UBAP2L: variants seen among roughly 807,000 people sequenced by gnomAD.
UBAP2L encodes the protein ubiquitin associated protein 2 like.
UBAP2L carries 12 observed loss-of-function variants against 130.6 expected under a neutral mutation model. The observed-to-expected ratio is 0.09, with a 90% CI of 0.06 to 0.15. The LOEUF (loss-of-function observed/expected upper bound fraction) is 0.15. UBAP2L is among the 10% of genes least tolerant of loss of function. The pLI is 1.00. For synonymous variants in UBAP2L, 503 were observed against 524.7 expected (o/e 0.96, Z 0.57); for missense variants, 965 against 1,332.5 (o/e 0.72, Z 4.29).
chr1:154,246,745 C>CT (rs1675650421), intron 11 of UBAP2L, among the ~76,000 whole-genome samples: 2 of 152,170 alleles, frequency 1.3e-5, no homozygotes, highest in South Asian at 4.1e-4. Context: ...TTCCCCATTT[C>CT]TTGATGGATC....
intron 10 of UBAP2L, among the ~76,000 whole-genome samples, chr1:154,245,638 C>T (rs12739218): frequency 0.21 from 31,602 of 151,920 alleles, 4,364 homozygotes; most frequent in Non-Finnish European, 0.31. Context: ...AGGCCGGGTG[C>T]GGTGCGGTGG....
rs1288586593 is a variant in UBAP2L at position 154,243,314 on chromosome 1, G to A, written c.842+12G>A. On this transcript the variant is annotated intron_variant, in intron 10 of 26. Coordinates refer to ENST00000428931, the MANE Select transcript of UBAP2L (RefSeq NM_014847.4). ...ACTGCTGGTCAGAGGCAAGTGTGCA[G>A]TAAAATTTAGTACCATTTCTTAAAC... is the stretch of plus-strand genomic sequence containing the variant. 2 of 1,609,118 alleles carry A rather than the reference G, an allele frequency of 1.2e-6. No homozygotes were observed. Among genetic ancestry groups the A allele is most frequent in the Non-Finnish European group, 1.7e-6 (2 of 1,176,388 alleles).
chr1:154,270,564 G>T lies in UBAP2L; in HGVS notation c.*269G>T, dbSNP rs562645679. 69 of 1,422,840 alleles carry T rather than the reference G, an allele frequency of 4.8e-5. No homozygotes were observed. In the African/African-American group the frequency reaches 8.3e-4, roughly 17 times the overall value. The allele number at this position is 1,422,840 out of a possible 1,614,324, so 88.1% of individuals were successfully genotyped here. Reference sequence around the variant, plus strand: ...TTCAAGATTATGAAACTTTGCTATGGGCCCTGCACTTCCTTTGCTTCCTCC... The same window carrying T: ...TTCAAGATTATGAAACTTTGCTATGTGCCCTGCACTTCCTTTGCTTCCTCC... On this transcript the variant is annotated 3_prime_UTR_variant, in exon 27 of 27. Coordinates refer to ENST00000428931, the MANE Select transcript of UBAP2L (RefSeq NM_014847.4).
At position 154,270,231 on chromosome 1, in the gene UBAP2L, C is replaced by T. The variant is rs1684457271; in HGVS notation, c.3200C>T (p.Ser1067Phe). 5.0e-6 allele frequency: 8 copies of T among 1,612,774 alleles called. No individual in the cohort carries two copies. The highest frequency in any genetic ancestry group is 6.8e-6 in the Non-Finnish European group (8 of 1,179,310). ...AGCGGGCAACGTAGCCAGACCAGCT[C>T]CATCCCGCAGAAGCCCCAGACCAAC... ...TGSGQRSQTSSIPQKPQTNKS... is the reference protein window; with the variant it reads ...TGSGQRSQTSFIPQKPQTNKS... Residue 1067 changes from serine (S) to phenylalanine (F), a missense_variant, in exon 27 of 27, where the codon TCC becomes TTC. Physicochemically the swap from Ser to Phe is radical, Grantham distance 155. Coordinates refer to ENST00000428931, the MANE Select transcript of UBAP2L (RefSeq NM_014847.4).
chr1:154,244,519 T>G (rs551043527), intron 10 of UBAP2L, among the ~76,000 whole-genome samples: 1 of 152,118 alleles, frequency 6.6e-6, no homozygotes, highest in Admixed American at 6.5e-5. Flanking sequence ...ATTACAGGCA[T>G]GCACCACTAT....
chr1:154,259,060 G>T (rs760756382), intron 21 of UBAP2L, 30 bp downstream of exon 21: 2 of 1,597,616 alleles, frequency 1.3e-6, no homozygotes, highest in Non-Finnish European at 1.7e-6. Flanking sequence ...CTTTGGAAAA[G>T]AAAGTAGTCT....
chr1:154,229,319 G>A (rs1183941994), intron 4 of UBAP2L, among the ~76,000 whole-genome samples: 3 of 151,908 alleles, frequency 2.0e-5, no homozygotes, highest in East Asian at 1.9e-4. Context: ...TAGACAAGTC[G>A]CTTTCACTTC....
intron 11 of UBAP2L, among the ~76,000 whole-genome samples, chr1:154,246,879 T>C (rs762607317): frequency 1.3e-5 from 2 of 152,216 alleles, no homozygotes; most frequent in Non-Finnish European, 2.9e-5. Context: ...GGGATAAAAG[T>C]GCTAGTCCTT....
intron 7 of UBAP2L, 82 bp downstream of exon 7, chr1:154,236,693 A>T (rs3762340): frequency 0.12 from 172,724 of 1,455,662 alleles, 13,288 homozygotes; most frequent in East Asian, 0.42. Flanking sequence ...GATCAGAATG[A>T]TTTCTAGACT....
In UBAP2L at chr1:154,270,470, G is replaced by GT; in HGVS notation, c.*177dup. The GT allele has an allele frequency of 4.6e-6, 7 of 1,514,156 alleles. No homozygotes were observed. The highest frequency in any genetic ancestry group is 6.2e-6 in the Non-Finnish European group (7 of 1,137,526). The allele number at this position is 1,514,156 out of a possible 1,614,324, so 93.8% of individuals were successfully genotyped here. A position where few individuals can be genotyped will look rare whatever the true frequency, so the allele number is the denominator to read the frequency against. On this transcript the variant is annotated 3_prime_UTR_variant, in exon 27 of 27. Coordinates refer to ENST00000428931, the MANE Select transcript of UBAP2L (RefSeq NM_014847.4). ...CCCATTCCTATACCATCCCCACCCT[G>GT]TTGTATGTATTATAGGATTTGTATT... is the stretch of plus-strand genomic sequence containing the variant.
At chr1:154,244,216 C>T (rs1448813098) in intron 10 of UBAP2L, among the ~76,000 whole-genome samples, 16 of 152,188 alleles carry the variant, frequency 1.1e-4, no homozygotes, top group Admixed American at 1.0e-3. Flanking sequence ...AGAGTTAATG[C>T]AGACCCCACA....
upstream of UBAP2L, chr1:154,220,587 G>A (rs1265500877): frequency 5.2e-5 from 33 of 632,316 alleles, 1 homozygote; most frequent in South Asian, 6.0e-4. Flanking sequence ...AGCTGGGAAA[G>A]GAGAACGACG....
chr1:154,234,925 C>T, intron 5 of UBAP2L, 166 bp downstream of exon 5: 1 of 876,910 alleles, frequency 1.1e-6, no homozygotes, highest in Admixed American at 2.6e-5. Flanking sequence ...GTGGCCTTTT[C>T]TACCAACTGC....
chr1:154,232,153 C>G (rs1212669640), intron 4 of UBAP2L, among the ~76,000 whole-genome samples: 1 of 151,966 alleles, frequency 6.6e-6, no homozygotes, highest in Non-Finnish European at 1.5e-5. Context: ...ATGGTGAAAC[C>G]CCATCTCTAC....
At chr1:154,263,615 C>A in intron 24 of UBAP2L, 2 of 717,276 alleles carry the variant, frequency 2.8e-6, no homozygotes, top group Non-Finnish European at 3.4e-6. Context: ...AGCCAAAGAA[C>A]TATTAATTTT....
rs1676718905 is a variant in UBAP2L, at chr1:154,249,313, G to A, written c.1089G>A (p.Leu363=). ...GCAGTACTACAGGCTCCCAGTTCTTGGAGCAATTCAAGACTGCCCAAGCCC... is the reference window on the plus strand; with the variant it reads ...GCAGTACTACAGGCTCCCAGTTCTTAGAGCAATTCAAGACTGCCCAAGCCC... The part of the protein sequence containing the change: ...KGGSTTGSQF[L]EQFKTAQALA... The change falls in exon 12 of 27, where the codon TTG becomes TTA. Residue 363 remains leucine (L), a synonymous_variant. Transcript: ENST00000428931. 1 of 1,614,120 alleles carries A rather than the reference G, an allele frequency of 6.2e-7. No homozygotes were observed. The highest frequency in any genetic ancestry group is 2.2e-5 in the East Asian group (1 of 44,874).
In UBAP2L at chr1:154,254,034, G is replaced by A. The variant is rs757276870; in HGVS notation, c.1799G>A (p.Arg600Gln). The A allele has an allele frequency of 6.2e-6, 10 of 1,609,226 alleles. No individual in the cohort carries two copies. Among genetic ancestry groups the A allele is most frequent in the Non-Finnish European group, 8.5e-6 (10 of 1,178,008 alleles). Residue 600 changes from arginine to glutamine, a missense_variant, in exon 15 of 27, where the codon CGG (arginine) becomes CAG (glutamine). By Grantham distance (43) the Arg-to-Gln change is conservative. Transcript: ENST00000428931. ...TATGAACAGAGATCCACACAGACTCGGCGGTACCCCAGCTCCATCTCTTCA... is the reference window on the plus strand; with the variant it reads ...TATGAACAGAGATCCACACAGACTCAGCGGTACCCCAGCTCCATCTCTTCA... ...PLYEQRSTQT[R>Q]RYPSSISSSP...
rs1431178181 is a variant in UBAP2L, at chr1:154,261,491, G to C, written c.2797-101G>C. 5.4e-6 allele frequency: 6 copies of C among 1,110,928 alleles called. No homozygotes were observed. In the African/African-American group the frequency reaches 9.2e-5, roughly 17 times the overall value. The allele number at this position is 1,110,928 out of a possible 1,614,324, so 68.8% of individuals were successfully genotyped here. A position where few individuals can be genotyped will look rare whatever the true frequency, so the allele number is the denominator to read the frequency against. On this transcript the variant is annotated intron_variant, in intron 23 of 26. Transcript: ENST00000428931. ...GCAAACTGTAGTCAACTTGCATCAGGATAGGTAGCCATCTGAATGGCCAGT... is the reference window on the plus strand; with the variant it reads ...GCAAACTGTAGTCAACTTGCATCAGCATAGGTAGCCATCTGAATGGCCAGT...
Position 154,250,962 on chromosome 1 carries a change from T to A in UBAP2L, c.1214-79T>A, listed in dbSNP as rs1374685208. 3.5e-6 allele frequency: 5 copies of A among 1,434,908 alleles called. No homozygotes were observed. In the African/African-American group the frequency reaches 7.1e-5, roughly 20 times the overall value. The allele number at this position is 1,434,908 out of a possible 1,614,324, so 88.9% of individuals were successfully genotyped here. ...TTCTGATTTTTACAGTCCTCATTCATGGTGCTAGTGCAGGACAATAGCATT... is the reference window on the plus strand; with the variant it reads ...TTCTGATTTTTACAGTCCTCATTCAAGGTGCTAGTGCAGGACAATAGCATT... On this transcript the variant is annotated intron_variant, in intron 12 of 26. Transcript: ENST00000428931.
Sources: gnomAD v4.1 joint callset for allele counts (sites outside exome capture counted in the v4.1 genomes callset) on GRCh38, gnomAD v4.1.1 for gene constraint, MANE v1.5 for transcripts, NCBI Gene and HGNC (gene_info 2026-07-23, HGNC 2026-07-21) for gene names.